HIPK2: variants seen among roughly 807,000 people sequenced by gnomAD.
HIPK2 encodes the protein homeodomain interacting protein kinase 2.
A neutral mutation model predicts 113.7 loss-of-function variants in HIPK2; 27 were observed. That is an observed-to-expected ratio of 0.24 (90% CI 0.17 to 0.33). HIPK2 has a LOEUF of 0.33. HIPK2 is among the 10% of genes least tolerant of loss of function. The probability of loss-of-function intolerance (pLI) is 1.00; values close to 1 mark genes in which losing one functional copy is unlikely to be tolerated. For synonymous variants in HIPK2, 631 were observed against 642.2 expected (o/e 0.98, Z 0.26); for missense variants, 1,257 against 1,588.0 (o/e 0.79, Z 3.54).
At position 139,563,527 on chromosome 7, in the gene HIPK2, A is replaced by G; in HGVS notation, c.*9400T>C. On this transcript the variant is annotated 3_prime_UTR_variant, in exon 15 of 15. Transcript: ENST00000406875. The stretch of plus-strand genomic sequence containing the variant: ...GCAGAGGCAGAGCCCTTTTTCAGAT[A>G]CAACATACTTACTTTTCAAATGAAC... The G allele has an allele frequency of 4.1e-6, 1 of 245,254 alleles. No individual in the cohort carries two copies. Among genetic ancestry groups the G allele is most frequent in the Non-Finnish European group, 7.7e-6 (1 of 129,682 alleles). 15.2% of individuals were successfully genotyped at this position (245,254 alleles called of 1,614,324 possible).
intron 2 of HIPK2, among the ~76,000 whole-genome samples, chr7:139,680,578 T>A (rs1458340006): frequency 1.3e-5 from 2 of 152,350 alleles, no homozygotes; most frequent in South Asian, 4.1e-4. Context: ...AGGAACAAAG[T>A]AACCAGGGAT....
chr7:139,617,056 G>T (rs10271123), intron 7 of HIPK2, among the ~76,000 whole-genome samples: 27,426 of 152,010 alleles, frequency 0.18, 3,584 homozygotes, highest in African/African-American at 0.37. Flanking sequence ...CCCTAGTTTC[G>T]AACCCTGCTT....
intron 4 of HIPK2, among the ~76,000 whole-genome samples, chr7:139,629,575 A>C (rs2116886765): frequency 6.6e-6 from 1 of 152,230 alleles, no homozygotes; most frequent in East Asian, 1.9e-4. Context: ...TGCCATGGTC[A>C]CATGGCCAAT....
At chr7:139,586,328 G>A (rs973084341) in intron 12 of HIPK2, among the ~76,000 whole-genome samples, 2 of 152,174 alleles carry the variant, frequency 1.3e-5, no homozygotes, top group African/African-American at 4.8e-5. Flanking sequence ...TCAAAGGATT[G>A]GAAACAGGTA....
At chr7:139,693,743 A>G (rs1692884999) in intron 2 of HIPK2, among the ~76,000 whole-genome samples, 5 of 152,156 alleles carry the variant, frequency 3.3e-5, no homozygotes, top group Admixed American at 3.3e-4. Context: ...AAACATTTTA[A>G]GTATGGTGTT....
intron 7 of HIPK2, among the ~76,000 whole-genome samples, chr7:139,616,878 T>C (rs1029153918): frequency 6.6e-6 from 1 of 152,224 alleles, no homozygotes; most frequent in Non-Finnish European, 1.5e-5. Context: ...TACATGCTAT[T>C]CTGCATTTTG....
chr7:139,621,330 G>A (rs1053772041), intron 6 of HIPK2, among the ~76,000 whole-genome samples: 4 of 152,156 alleles, frequency 2.6e-5, no homozygotes, highest in East Asian at 1.9e-4. Flanking sequence ...ATACACATAC[G>A]TCCTCTTTCA....
chr7:139,753,326 C>T (rs1585456007), intron 1 of HIPK2, among the ~76,000 whole-genome samples: 1 of 152,168 alleles, frequency 6.6e-6, no homozygotes, highest in Non-Finnish European at 1.5e-5. Flanking sequence ...AGGGTGCTGG[C>T]GTGGCAGCTG....
In HIPK2 at chr7:139,616,229, T is replaced by C. The variant is rs116807411; in HGVS notation, c.1783-1736A>G. On this transcript the variant is annotated intron_variant, in intron 7 of 14. Transcript: ENST00000406875. Reference sequence around the variant, plus strand: ...CCTGGAATCCACTGACTCTTTTCAGTTGTGACTTCCTGGTGCCTGGGACCT... The same window carrying C: ...CCTGGAATCCACTGACTCTTTTCAGCTGTGACTTCCTGGTGCCTGGGACCT... Among the ~76,000 whole-genome samples, 488 of 152,312 alleles carry C rather than the reference T, an allele frequency of 3.2e-3. 6 individuals are homozygous for C. The highest frequency in any genetic ancestry group is 0.012 in the African/African-American group (480 of 41,556).
rs1016544275 is a variant in HIPK2, at chr7:139,630,736, C to T, written c.1347+429G>A. On this transcript the variant is annotated intron_variant, in intron 4 of 14. Transcript: ENST00000406875. The surrounding 1 kb of genome is among the most constrained non-coding windows in gnomAD (Gnocchi z 4.0). ...GCCCAGTTCAAATGCTCCTCCTTGCCCCTCTGCTGCAGGCAGAATTAAATG... is the reference window on the plus strand; with the variant it reads ...GCCCAGTTCAAATGCTCCTCCTTGCTCCTCTGCTGCAGGCAGAATTAAATG... Among the ~76,000 whole-genome samples, 3 of 152,210 alleles carry T rather than the reference C, an allele frequency of 2.0e-5. No homozygotes were observed. The highest frequency in any genetic ancestry group is 4.8e-5 in the African/African-American group (2 of 41,454).
At position 139,717,051 on chromosome 7, in the gene HIPK2, G is replaced by C. The variant is rs778983394; in HGVS notation, c.20-36C>G. Reference sequence around the variant, plus strand: ...AGGAAAACGAAAAGTAAGTATCGGAGTCACCTTGGTACAAGTAAACTCAAC... The same window carrying C: ...AGGAAAACGAAAAGTAAGTATCGGACTCACCTTGGTACAAGTAAACTCAAC... On this transcript the variant is annotated intron_variant, in intron 1 of 14. Coordinates refer to ENST00000406875, the MANE Select transcript of HIPK2 (RefSeq NM_022740.5). 6 of 1,576,884 alleles carry C rather than the reference G, an allele frequency of 3.8e-6. No homozygotes were observed. In the Admixed American group the frequency reaches 8.7e-5, roughly 23 times the overall value.
At chr7:139,699,164 G>C (rs1271825722) in intron 2 of HIPK2, among the ~76,000 whole-genome samples, 1 of 152,038 alleles carries the variant, frequency 6.6e-6, no homozygotes, top group African/African-American at 2.4e-5. Flanking sequence ...CTGGAGAGTG[G>C]CACCCGCCAT....
intron 2 of HIPK2, among the ~76,000 whole-genome samples, chr7:139,694,395 T>C (rs536566193): frequency 1.7e-4 from 26 of 152,030 alleles, no homozygotes; most frequent in Non-Finnish European, 3.5e-4. Flanking sequence ...TCGATGATCA[T>C]GACGTATCCC....
At position 139,572,950 on chromosome 7, in the gene HIPK2, C is replaced by T. The variant is rs373765956; in HGVS notation, c.3574G>A (p.Val1192Ile). 5.5e-5 allele frequency: 72 copies of T among 1,315,190 alleles called. No homozygotes were observed. In the African/African-American group the frequency reaches 9.7e-4, roughly 18 times the overall value. The allele number at this position is 1,315,190 out of a possible 1,614,324, so 81.5% of individuals were successfully genotyped here. The change falls in exon 15 of 15, where the codon GTC (valine) becomes ATC (isoleucine). Residue 1192 changes from valine to isoleucine, a missense_variant. Coordinates refer to ENST00000406875, the MANE Select transcript of HIPK2 (RefSeq NM_022740.5). ...GTTTATATGTAAGGGTACTGGTTGA[C>T]CTTGGCGGGGCTCAGTGGGTATCCA... The part of the protein sequence containing the change: ...YTGYPLSPAK[V>I]NQYPYI
At chr7:139,629,181 CT>C (rs1800531038) in intron 4 of HIPK2, 142 bp from the exon 5 acceptor site, 1 of 653,502 alleles carries the variant, frequency 1.5e-6, no homozygotes, top group African/African-American at 1.8e-5. Context: ...ACCTGCACAC[CT>C]GCAATTCCCT....
At chr7:139,770,334 C>T (rs1471717547) in intron 1 of HIPK2, among the ~76,000 whole-genome samples, 1 of 152,188 alleles carries the variant, frequency 6.6e-6, no homozygotes, top group Non-Finnish European at 1.5e-5. Context: ...AACCCTGTGA[C>T]TTTTAACAGA....
At chr7:139,624,027 ATT>A (rs61607452) in intron 6 of HIPK2, among the ~76,000 whole-genome samples, 45 of 143,446 alleles carry the variant, frequency 3.1e-4, no homozygotes, top group African/African-American at 4.1e-4. Flanking sequence ...ACGGCTTCCT[ATT>A]TTTTTTTTTT....
intron 10 of HIPK2, among the ~76,000 whole-genome samples, chr7:139,602,352 C>A (rs1308184928): frequency 6.6e-6 from 1 of 152,118 alleles, no homozygotes; most frequent in East Asian, 1.9e-4. Context: ...ACTGGTACTT[C>A]TGTTTGTTAG....
chr7:139,713,732 A>C (rs1795136756), intron 2 of HIPK2, among the ~76,000 whole-genome samples: 1 of 152,186 alleles, frequency 6.6e-6, no homozygotes, highest in Non-Finnish European at 1.5e-5. Context: ...CAGGCCAAGA[A>C]CTAGAAAGAG....
Sources: gnomAD v4.1 joint callset for allele counts (sites outside exome capture counted in the v4.1 genomes callset) on GRCh38, gnomAD v4.1.1 for gene constraint, Gnocchi (gnomAD v3.1) non-coding constraint, MANE v1.5 for transcripts, NCBI Gene and HGNC (gene_info 2026-07-23, HGNC 2026-07-21) for gene names.